Variants in SYT13 observed in about 807,000 individuals in gnomAD.
SYT13 encodes the protein synaptotagmin-13.
In SYT13, 21 loss-of-function variants were observed where a neutral mutation model predicts 38.6. That is an observed-to-expected ratio of 0.54 (90% CI 0.39 to 0.78). The LOEUF is 0.78. SYT13 is among the 30% of genes least tolerant of loss of function. The pLI, the probability that SYT13 is intolerant of heterozygous loss-of-function variation, is 0.00. For missense variants in SYT13, 495 were observed against 548.7 expected (o/e 0.90, Z 0.98); for synonymous variants, 241 against 237.6 (o/e 1.01, Z -0.13).
intron 5 of SYT13, among the ~76,000 whole-genome samples, chr11:45,245,160 C>T (rs537265130): frequency 8.5e-5 from 13 of 152,326 alleles, no homozygotes; most frequent in South Asian, 4.1e-4. Flanking sequence ...CACGCTCCCC[C>T]AAACCCAGGG....
Position 45,252,365 on chromosome 11 carries a change from T to C in SYT13, c.846+56A>G. 6.7e-7 allele frequency: 1 copy of C among 1,501,904 alleles called. No individual in the cohort carries two copies. Among genetic ancestry groups the C allele is most frequent in the Admixed American group, 2.1e-5 (1 of 48,058 alleles). 93.0% of individuals were successfully genotyped at this position (1,501,904 alleles called of 1,614,324 possible). ...GAGTTGCTGGGAGGACACCAGGTTC[T>C]GCCATCCCATGCTGCACGGGCAGGT... On this transcript the variant is annotated intron_variant, in intron 4 of 5. Coordinates refer to ENST00000020926, the MANE Select transcript of SYT13 (RefSeq NM_020826.3). The surrounding 1 kb of genome is among the most constrained non-coding windows in gnomAD (Gnocchi z 4.3).
At chr11:45,263,433 C>T (rs1003364078) in intron 1 of SYT13, among the ~76,000 whole-genome samples, 1 of 152,208 alleles carries the variant, frequency 6.6e-6, no homozygotes, top group South Asian at 2.1e-4. Flanking sequence ...TGGGACATCC[C>T]TCTTACAGTA....
chr11:45,257,916 A>AC (rs1854768064), intron 1 of SYT13, among the ~76,000 whole-genome samples: 1 of 152,208 alleles, frequency 6.6e-6, no homozygotes, highest in Admixed American at 6.5e-5. Flanking sequence ...GGTAGAGCTT[A>AC]CCCCTCTTGT....
intron 1 of SYT13, among the ~76,000 whole-genome samples, chr11:45,260,531 G>A (rs1854802262): frequency 6.6e-6 from 1 of 152,162 alleles, no homozygotes; most frequent in Admixed American, 6.5e-5. Flanking sequence ...GAGAGACCTT[G>A]CTCCAGCCTT....
At position 45,252,871 on chromosome 11, in the gene SYT13, G is replaced by A. The variant is rs1300023627; in HGVS notation, c.545-149C>T. On this transcript the variant is annotated intron_variant, in intron 3 of 5. Coordinates refer to ENST00000020926, the MANE Select transcript of SYT13 (RefSeq NM_020826.3). The surrounding 1 kb of genome is among the most constrained non-coding windows in gnomAD (Gnocchi z 4.3). ...TGACCACCCTGGGCACCAGGGAATC[G>A]CCTTTCAGTGAGACATTTAGAAATA... is the stretch of plus-strand genomic sequence containing the variant. 2 of 695,294 alleles carry A rather than the reference G, an allele frequency of 2.9e-6. No individual in the cohort carries two copies. Among genetic ancestry groups the A allele is most frequent in the African/African-American group, 1.8e-5 (1 of 56,078 alleles). The allele number at this position is 695,294 out of a possible 1,614,324, so 43.1% of individuals were successfully genotyped here.
In SYT13 at chr11:45,252,205, C is replaced by A. The variant is rs1018104035; in HGVS notation, c.846+216G>T. On this transcript the variant is annotated intron_variant, in intron 4 of 5. Coordinates refer to ENST00000020926, the MANE Select transcript of SYT13 (RefSeq NM_020826.3). This position sits in a 1 kb window ranked among gnomAD's most constrained non-coding sequence, Gnocchi z 4.3. ...AGAGTCTTTGCATGGCAAGTTAGAG[C>A]CAAGACTAGGAGCAGACACTAGGAA... 6.6e-6 allele frequency among the ~76,000 whole-genome samples: 1 copy of A among 152,126 alleles called. No homozygotes were observed. The highest frequency in any genetic ancestry group is 1.5e-5 in the Non-Finnish European group (1 of 68,028).
In SYT13 at chr11:45,286,128, G is replaced by C; in HGVS notation, c.80C>G (p.Thr27Ser). ...ATSILALCGV[T>S]CLCRHMHPKK... is the part of the protein sequence containing the mutation. ...GGGGTGCATGTGCCGACACAGGCAG[G>C]TGACCCCGCACAACGCGAGGATGCT... is the stretch of plus-strand genomic sequence containing the variant. The change falls in exon 1 of 6, where the codon ACC (threonine) becomes AGC (serine). Residue 27 changes from threonine to serine, a missense_variant. By Grantham distance (58) the Thr-to-Ser change is moderately conservative. Coordinates refer to ENST00000020926, the MANE Select transcript of SYT13 (RefSeq NM_020826.3). 2 of 1,599,596 alleles carry C rather than the reference G, an allele frequency of 1.3e-6. No individual in the cohort carries two copies. The highest frequency in any genetic ancestry group is 8.5e-7 in the Non-Finnish European group (1 of 1,175,432).
At chr11:45,276,420 C>T (rs1043446716) in intron 1 of SYT13, among the ~76,000 whole-genome samples, 25 of 152,052 alleles carry the variant, frequency 1.6e-4, no homozygotes, top group Admixed American at 7.9e-4. Context: ...CATTACACAC[C>T]GGGACCTGTC....
chr11:45,242,982 C>T lies in SYT13; in HGVS notation c.*1070G>A, dbSNP rs1854569854. ...TTTTTAAAATTATCTTTCTTCTCTACCTACATGTAGCCAGATGTCATAGAC... is the reference window on the plus strand; with the variant it reads ...TTTTTAAAATTATCTTTCTTCTCTATCTACATGTAGCCAGATGTCATAGAC... On this transcript the variant is annotated 3_prime_UTR_variant, in exon 6 of 6. Coordinates refer to ENST00000020926, the MANE Select transcript of SYT13 (RefSeq NM_020826.3). 6.6e-6 allele frequency: 1 copy of T among 152,190 alleles called. No homozygotes were observed. Among genetic ancestry groups the T allele is most frequent in the Non-Finnish European group, 1.5e-5 (1 of 68,048 alleles). 9.4% of individuals were successfully genotyped at this position (152,190 alleles called of 1,614,324 possible).
Position 45,258,681 on chromosome 11 carries a change from G to A in SYT13, c.184-2790C>T, listed in dbSNP as rs377729646. 5.3e-5 allele frequency among the ~76,000 whole-genome samples: 8 copies of A among 152,292 alleles called. No individual in the cohort carries two copies. In the East Asian group the frequency reaches 1.4e-3, roughly 26 times the overall value. ...CACAGTACATGCAGGGCACAATCAG[G>A]GGTGCCTGGGAGGCCGAGCTGGCCT... is the stretch of plus-strand genomic sequence containing the variant. On this transcript the variant is annotated intron_variant, in intron 1 of 5. Transcript: ENST00000020926.
At chr11:45,265,076 G>A (rs565520439) in intron 1 of SYT13, among the ~76,000 whole-genome samples, 11 of 152,314 alleles carry the variant, frequency 7.2e-5, no homozygotes, top group Admixed American at 2.6e-4. Flanking sequence ...CTAGCCAAAC[G>A]CTGAAAGCAG....
chr11:45,256,769 G>A (rs1018286319), intron 1 of SYT13, among the ~76,000 whole-genome samples: 4 of 152,192 alleles, frequency 2.6e-5, no homozygotes, highest in Non-Finnish European at 5.9e-5. Context: ...GGCTCTCGAT[G>A]TTTGTCCTGC....
At chr11:45,249,755 G>A (rs1854651589) in intron 4 of SYT13, among the ~76,000 whole-genome samples, 1 of 152,172 alleles carries the variant, frequency 6.6e-6, no homozygotes, top group African/African-American at 2.4e-5. Flanking sequence ...GTCAGGGGTG[G>A]GGGCCTGGGG....
intron 1 of SYT13, among the ~76,000 whole-genome samples, chr11:45,258,725 A>T (rs1414370684): frequency 1.5e-4 from 23 of 152,164 alleles, no homozygotes; most frequent in Non-Finnish European, 1.5e-5. Context: ...GAGCCAGGGC[A>T]TGACTGAGAC....
At chr11:45,282,115 G>A (rs1855081947) in intron 1 of SYT13, among the ~76,000 whole-genome samples, 1 of 152,192 alleles carries the variant, frequency 6.6e-6, no homozygotes, top group South Asian at 2.1e-4. Context: ...AAGTAATGGT[G>A]AAGGAGAAAC....
At chr11:45,270,520 C>A (rs1329353557) in intron 1 of SYT13, among the ~76,000 whole-genome samples, 1 of 152,084 alleles carries the variant, frequency 6.6e-6, no homozygotes, top group Non-Finnish European at 1.5e-5. Flanking sequence ...ATTATTGTGC[C>A]AATATATTAT....
intron 1 of SYT13, among the ~76,000 whole-genome samples, chr11:45,273,252 C>T (rs146663851): frequency 6.2e-4 from 95 of 152,188 alleles, no homozygotes; most frequent in African/African-American, 2.2e-3. Flanking sequence ...GACAGGGTGC[C>T]GAAGGGAGAC....
intron 1 of SYT13, chr11:45,269,416 T>A (rs1854922757): frequency 2.2e-5 from 27 of 1,221,080 alleles, no homozygotes; most frequent in Non-Finnish European, 2.8e-5. Context: ...CCTAGAGATT[T>A]CCTTCTTGTA....
At chr11:45,261,848 G>A (rs1301874868) in intron 1 of SYT13, among the ~76,000 whole-genome samples, 1 of 150,426 alleles carries the variant, frequency 6.6e-6, no homozygotes, top group Non-Finnish European at 1.5e-5. Flanking sequence ...CCCGGGAGGC[G>A]AAGGTTGCAG....
Sources: gnomAD v4.1 joint callset for allele counts (sites outside exome capture counted in the v4.1 genomes callset) on GRCh38, gnomAD v4.1.1 for gene constraint, Gnocchi (gnomAD v3.1) non-coding constraint, MANE v1.5 for transcripts, NCBI Gene and HGNC (gene_info 2026-07-23, HGNC 2026-07-21) for gene names.